Variants in IQGAP2 observed in about 807,000 individuals in gnomAD.
IQGAP2 encodes ras GTPase-activating-like protein IQGAP2.
In IQGAP2, 173 loss-of-function variants were observed where a neutral mutation model predicts 201.3. That is an observed-to-expected ratio of 0.86 (90% CI 0.76 to 0.98). The LOEUF (loss-of-function observed/expected upper bound fraction) is 0.98. Among genes scored for constraint, IQGAP2 ranks in the 50% least tolerant of loss-of-function variants. The pLI is 0.00. For missense variants in IQGAP2, 1,687 were observed against 1,864.8 expected, an observed-to-expected ratio of 0.90 and a Z score of 1.76; for synonymous variants, 675 against 673.9, an observed-to-expected ratio of 1.00 and a Z score of -0.03.
intron 1 of IQGAP2, among the ~76,000 whole-genome samples, chr5:76,418,521 G>A (rs1413795253): frequency 6.6e-6 from 1 of 150,844 alleles, no homozygotes; most frequent in African/African-American, 2.4e-5. Context: ...AATGTCAGGA[G>A]ACTCTGTTTC....
chr5:76,694,369 C>T (rs889981999), intron 31 of IQGAP2, among the ~76,000 whole-genome samples: 3 of 152,118 alleles, frequency 2.0e-5, no homozygotes, highest in Admixed American at 2.0e-4. Context: ...AAATATTATA[C>T]TAGGTTAGTA....
intron 13 of IQGAP2, chr5:76,617,541 G>T: frequency 6.7e-7 from 1 of 1,490,916 alleles, no homozygotes. Context: ...GAAAACAGAC[G>T]TTCTCTGTGA....
intron 1 of IQGAP2, among the ~76,000 whole-genome samples, chr5:76,450,042 C>T (rs950485260): frequency 6.6e-6 from 1 of 152,210 alleles, no homozygotes; most frequent in Non-Finnish European, 1.5e-5. Flanking sequence ...CTTTTCTAAA[C>T]TTGGGACCAT....
chr5:76,491,575 A>T (rs1756541648), intron 2 of IQGAP2, among the ~76,000 whole-genome samples: 2 of 152,082 alleles, frequency 1.3e-5, no homozygotes, highest in Admixed American at 1.3e-4. Flanking sequence ...AAGTGCTGGG[A>T]TTACAGGCGT....
intron 5 of IQGAP2, among the ~76,000 whole-genome samples, chr5:76,579,817 C>T (rs1001686419): frequency 2.6e-5 from 4 of 152,128 alleles, no homozygotes; most frequent in African/African-American, 9.7e-5. Context: ...ATGTGACCAC[C>T]AGTGCTGGAC....
chr5:76,545,992 T>C (rs1260561758), intron 2 of IQGAP2, among the ~76,000 whole-genome samples: 1 of 152,224 alleles, frequency 6.6e-6, no homozygotes, highest in South Asian at 2.1e-4. Context: ...TTGGTCTTTG[T>C]TGATTTTCTT....
chr5:76,603,312 C>T (rs1025523872), intron 11 of IQGAP2, among the ~76,000 whole-genome samples: 4 of 152,212 alleles, frequency 2.6e-5, no homozygotes, highest in Admixed American at 2.6e-4. Flanking sequence ...CCCACCCTAG[C>T]ATCTGATGTT....
intron 1 of IQGAP2, among the ~76,000 whole-genome samples, chr5:76,448,598 A>G (rs1224295746): frequency 2.0e-5 from 3 of 152,176 alleles, no homozygotes; most frequent in Non-Finnish European, 2.9e-5. Context: ...AAGGCTCTCC[A>G]TAAGTGGAAG....
chr5:76,418,593 C>CA (rs767859899), intron 1 of IQGAP2, among the ~76,000 whole-genome samples: 58 of 146,348 alleles, frequency 4.0e-4, no homozygotes, highest in African/African-American at 1.5e-3. Context: ...GACTCCATCT[C>CA]GAAAAAAAAA....
intron 2 of IQGAP2, among the ~76,000 whole-genome samples, chr5:76,472,102 G>A (rs936298168): frequency 2.8e-4 from 42 of 152,284 alleles, no homozygotes; most frequent in African/African-American, 9.9e-4. Context: ...GGACCCCCTC[G>A]CAAGTCTGGC....
intron 8 of IQGAP2, 51 bp downstream of exon 8, chr5:76,590,637 C>T: frequency 7.1e-7 from 1 of 1,413,238 alleles, no homozygotes; most frequent in Non-Finnish European, 9.7e-7. Context: ...TTATGAGTTA[C>T]TAGTTTGAAA....
At chr5:76,636,937 G>T in intron 15 of IQGAP2, 97 bp from the exon 16 acceptor site, 1 of 1,047,876 alleles carries the variant, frequency 9.5e-7, no homozygotes, top group South Asian at 2.0e-5. Flanking sequence ...AAGGTTTGGT[G>T]AAAAACATAT....
chr5:76,588,448 G>T (rs1746399419), intron 5 of IQGAP2, among the ~76,000 whole-genome samples: 1 of 152,106 alleles, frequency 6.6e-6, no homozygotes, highest in Admixed American at 6.5e-5. Flanking sequence ...CTATTTATTG[G>T]TTTAGAAAAT....
At chr5:76,567,105 C>T (rs549652787) in intron 3 of IQGAP2, among the ~76,000 whole-genome samples, 1 of 152,284 alleles carries the variant, frequency 6.6e-6, no homozygotes, top group Non-Finnish European at 1.5e-5. Context: ...ATAGGGAAGG[C>T]ATGCACACAG....
At chr5:76,637,639 G>A (rs929124368) in intron 16 of IQGAP2, among the ~76,000 whole-genome samples, 1 of 152,212 alleles carries the variant, frequency 6.6e-6, no homozygotes, top group Non-Finnish European at 1.5e-5. Flanking sequence ...CCATCTCCAG[G>A]ACAGCTTCGG....
intron 2 of IQGAP2, 27 bp downstream of exon 2, chr5:76,461,696 G>A: frequency 6.7e-7 from 1 of 1,499,490 alleles, no homozygotes; most frequent in Non-Finnish European, 9.3e-7. Context: ...GTCTATTTGT[G>A]CACCATCTCT....
chr5:76,584,018 G>A (rs758032031), intron 5 of IQGAP2, among the ~76,000 whole-genome samples: 21 of 152,104 alleles, frequency 1.4e-4, no homozygotes, highest in South Asian at 1.2e-3. Flanking sequence ...GATTACAGGC[G>A]TGTGCCACCG....
chr5:76,462,256 A>G (rs745371150), intron 2 of IQGAP2, among the ~76,000 whole-genome samples: 1 of 152,204 alleles, frequency 6.6e-6, no homozygotes, highest in Non-Finnish European at 1.5e-5. Flanking sequence ...TCGCAGCCCA[A>G]TGATGATAAA....
At chr5:76,558,359 T>G (rs1265751667) in intron 2 of IQGAP2, among the ~76,000 whole-genome samples, 2 of 152,210 alleles carry the variant, frequency 1.3e-5, no homozygotes, top group African/African-American at 4.8e-5. Flanking sequence ...TATATTTTTG[T>G]GTAAAAAATG....
Sources: allele counts gnomAD v4.1 joint callset (sites outside exome capture counted in the v4.1 genomes callset), GRCh38; gene constraint gnomAD v4.1.1; transcripts MANE v1.5; gene names NCBI Gene and HGNC (gene_info 2026-07-23, HGNC 2026-07-21).